The following USP46 variants were observed in gnomAD, a reference collection of about 807,000 sequenced individuals.
USP46 encodes ubiquitin carboxyl-terminal hydrolase 46.
USP46 carries 12 observed loss-of-function variants against 44.4 expected under a neutral mutation model. That is an observed-to-expected ratio of 0.27 (90% confidence interval 0.17 to 0.44). The LOEUF (loss-of-function observed/expected upper bound fraction) is 0.44, where lower values mean the gene tolerates loss of function less well. USP46 is among the 20% of genes least tolerant of loss of function. The pLI is 1.00. For missense variants in USP46, 248 were observed against 444.8 expected (o/e 0.56, Z 3.98); for synonymous variants, 155 against 161.5 (o/e 0.96, Z 0.31).
chr4:52,592,915 C>T lies in USP46; in HGVS notation c.*4725G>A, dbSNP rs1716080660. 2 of 398,460 alleles carry T rather than the reference C, an allele frequency of 5.0e-6. No individual in the cohort carries two copies. The highest frequency in any genetic ancestry group is 2.1e-5 in the African/African-American group (1 of 48,564). 24.7% of individuals were successfully genotyped at this position (398,460 alleles called of 1,614,324 possible). A position where few individuals can be genotyped will look rare whatever the true frequency, so the allele number is the denominator to read the frequency against. On this transcript the variant is annotated 3_prime_UTR_variant, in exon 9 of 9. Coordinates refer to ENST00000441222, the MANE Select transcript of USP46 (RefSeq NM_022832.4). ...TCTTGCTCCTGCCATGTAAGATGGG[C>T]TTGCTTTCCCTTTGCCTTCTGCTGA...
intron 1 of USP46, among the ~76,000 whole-genome samples, chr4:52,642,311 T>A (rs1718373528): frequency 6.6e-6 from 1 of 152,252 alleles, no homozygotes; most frequent in Admixed American, 6.5e-5. Flanking sequence ...AATAACTCTA[T>A]GAGGCAGACA....
intron 1 of USP46, among the ~76,000 whole-genome samples, chr4:52,632,223 C>A (rs1003377985): frequency 6.6e-6 from 1 of 152,156 alleles, no homozygotes; most frequent in African/African-American, 2.4e-5. Flanking sequence ...CAATCATAAG[C>A]AAATGCTGTG....
At chr4:52,611,474 A>G (rs923763275) in intron 4 of USP46, among the ~76,000 whole-genome samples, 1 of 152,256 alleles carries the variant, frequency 6.6e-6, no homozygotes, top group African/African-American at 2.4e-5. Flanking sequence ...TCAGTCATTT[A>G]GCAGCAAAAT....
At chr4:52,642,953 T>C (rs1167490493) in intron 1 of USP46, among the ~76,000 whole-genome samples, 2 of 152,140 alleles carry the variant, frequency 1.3e-5, no homozygotes, top group Non-Finnish European at 2.9e-5. Flanking sequence ...AAAGTGCATA[T>C]GCAGAACAAA....
At position 52,653,537 on chromosome 4, in the gene USP46, T is replaced by G. The variant is rs143109679; in HGVS notation, c.36+5578A>C. ...AAAAAAAAGATTTTGCTGATTGATT[T>G]TTGGGTGGCCTTTTCTCTTAAAGAC... On this transcript the variant is annotated intron_variant, in intron 1 of 8. Coordinates refer to ENST00000441222, the MANE Select transcript of USP46 (RefSeq NM_022832.4). Among the ~76,000 whole-genome samples, 369 of 152,054 alleles carry G rather than the reference T, an allele frequency of 2.4e-3. 2 individuals are homozygous for G. The highest frequency in any genetic ancestry group is 7.9e-3 in the African/African-American group (326 of 41,474).
chr4:52,657,220 T>C (rs1718987047), intron 1 of USP46, among the ~76,000 whole-genome samples: 1 of 151,890 alleles, frequency 6.6e-6, no homozygotes, highest in Non-Finnish European at 1.5e-5. Context: ...CCTTTTTAGG[T>C]CTCCACCTGA....
In USP46 at chr4:52,609,898, CTTTTTTTTTTTTTTTTTTTTTTTTTTTTT is replaced by C. The variant is rs66817554; in HGVS notation, c.638+614_638+642del. Among the ~76,000 whole-genome samples the C allele has an allele frequency of 3.8e-3, 94 of 24,604 alleles. 1 individual carries two copies. In the South Asian group the frequency reaches 0.17, roughly 46 times the overall value. 16.1% of individuals were successfully genotyped at this position (24,604 alleles called of 152,430 possible). A position where few individuals can be genotyped will look rare whatever the true frequency, so the allele number is the denominator to read the frequency against. ...GGAAACCTAAACCTCAATTCTATTTCTTTTTTTTTTTTTTTTTTTTTTTTTTTTTTTTTTTTTTTTTTTTTGAGGCGGAG... is the reference window on the plus strand; with the variant it reads ...GGAAACCTAAACCTCAATTCTATTTCTTTTTTTTTTTTTTTTGAGGCGGAG... On this transcript the variant is annotated intron_variant, in intron 5 of 8. Coordinates refer to ENST00000441222, the MANE Select transcript of USP46 (RefSeq NM_022832.4).
rs889948118 is a variant in USP46 at position 52,592,539 on chromosome 4, T to C, written c.*5101A>G. The C allele has an allele frequency of 2.0e-5, 4 of 203,566 alleles. No homozygotes were observed. The Admixed American group carries it at 2.4e-4, about 12-fold the overall frequency. The allele number at this position is 203,566 out of a possible 1,614,324, so 12.6% of individuals were successfully genotyped here. Reference sequence around the variant, plus strand: ...GCCTCATGACTGAGTTCTCACGAGATCTGGTTGTTTAAAAGTGTGTAACCC... The same window carrying C: ...GCCTCATGACTGAGTTCTCACGAGACCTGGTTGTTTAAAAGTGTGTAACCC... On this transcript the variant is annotated 3_prime_UTR_variant, in exon 9 of 9. Transcript: ENST00000441222.
chr4:52,630,953 C>T lies in USP46; in HGVS notation c.117+111G>A, dbSNP rs183301543. On this transcript the variant is annotated intron_variant, in intron 2 of 8. Transcript: ENST00000441222. ...CCCAATATTGGCATTCTACTAACTA[C>T]GGAGCATGACCAATCATTTAAAAAT... 1.7e-4 allele frequency: 151 copies of T among 879,830 alleles called. No homozygotes were observed. In the East Asian group the frequency reaches 2.3e-3, roughly 14 times the overall value. The allele number at this position is 879,830 out of a possible 1,614,324, so 54.5% of individuals were successfully genotyped here.
At chr4:52,656,730 C>G (rs1188716038) in intron 1 of USP46, 3 of 344,302 alleles carry the variant, frequency 8.7e-6, no homozygotes, top group Non-Finnish European at 1.3e-5. Flanking sequence ...TTCAAGGACA[C>G]AAAGCCAACA....
intron 1 of USP46, among the ~76,000 whole-genome samples, chr4:52,636,936 A>G (rs1014667604): frequency 6.6e-6 from 1 of 151,528 alleles, no homozygotes; most frequent in Non-Finnish European, 1.5e-5. Flanking sequence ...CAGCCTTCCA[A>G]GTAGCTGGGA....
intron 4 of USP46, among the ~76,000 whole-genome samples, chr4:52,619,265 A>C (rs775105995): frequency 7.9e-5 from 12 of 152,094 alleles, no homozygotes; most frequent in Non-Finnish European, 1.8e-4. Flanking sequence ...TTTGCACTGC[A>C]ATCATAAGCA....
At chr4:52,612,041 A>G (rs1019262499) in intron 4 of USP46, among the ~76,000 whole-genome samples, 1 of 152,214 alleles carries the variant, frequency 6.6e-6, no homozygotes, top group African/African-American at 2.4e-5. Flanking sequence ...GGACAACAAG[A>G]GTGTCTATCT....
intron 6 of USP46, 76 bp from the exon 7 acceptor site, chr4:52,602,130 A>C: frequency 6.7e-7 from 1 of 1,482,666 alleles, no homozygotes; most frequent in Non-Finnish European, 9.1e-7. Context: ...CATCTGCACA[A>C]ACAGAATAGT....
At chr4:52,630,208 G>A (rs887319555) in intron 2 of USP46, among the ~76,000 whole-genome samples, 47 of 152,308 alleles carry the variant, frequency 3.1e-4, no homozygotes, top group African/African-American at 1.1e-3. Context: ...AGGAAGCAGA[G>A]CTGCTGGGTC....
Position 52,646,204 on chromosome 4 carries a change from C to T in USP46, c.36+12911G>A, listed in dbSNP as rs149527403. The stretch of plus-strand genomic sequence containing the variant: ...GTCTTCATCAGTGAAAATCACAACA[C>T]CTGCATTCCCACCTTACAGCATGGG... On this transcript the variant is annotated intron_variant, in intron 1 of 8. Transcript: ENST00000441222. 3.9e-3 allele frequency among the ~76,000 whole-genome samples: 591 copies of T among 152,288 alleles called. 4 individuals are homozygous for T. Among genetic ancestry groups the T allele is most frequent in the African/African-American group, 0.014 (562 of 41,552 alleles).
At chr4:52,618,430 C>A (rs1408434875) in intron 4 of USP46, among the ~76,000 whole-genome samples, 3 of 151,940 alleles carry the variant, frequency 2.0e-5, no homozygotes, top group Non-Finnish European at 4.4e-5. Context: ...GCAGAGGTTG[C>A]AGTAAGCCAA....
At chr4:52,615,883 G>C (rs1017167769) in intron 4 of USP46, among the ~76,000 whole-genome samples, 1 of 152,134 alleles carries the variant, frequency 6.6e-6, no homozygotes, top group African/African-American at 2.4e-5. Flanking sequence ...CACCAAAGTT[G>C]TTTTTAAAAA....
chr4:52,658,198 CTCCA>C (rs1457642482), intron 1 of USP46: 1 of 455,680 alleles, frequency 2.2e-6, no homozygotes, highest in East Asian at 6.9e-5. Context: ...CAATGCCTTA[CTCCA>C]ATCTGAGCTC....
Sources: gnomAD v4.1 joint callset for allele counts (sites outside exome capture counted in the v4.1 genomes callset) on GRCh38, gnomAD v4.1.1 for gene constraint, MANE v1.5 for transcripts, NCBI Gene and HGNC (gene_info 2026-07-23, HGNC 2026-07-21) for gene names.